Variants in ACY1 observed in about 807,000 individuals in gnomAD.
ACY1 encodes aminoacylase 1.
ACY1 carries 38 observed loss-of-function variants against 53.3 expected under a neutral mutation model. The observed-to-expected ratio is 0.71, with a 90% CI of 0.55 to 0.93. The LOEUF (loss-of-function observed/expected upper bound fraction) is 0.93, where lower values mean the gene tolerates loss of function less well. Among genes scored for constraint, ACY1 ranks in the 40% least tolerant of loss-of-function variants. The pLI, the probability that ACY1 is intolerant of heterozygous loss-of-function variation, is 0.00. For synonymous variants in ACY1, 177 were observed against 202.1 expected (o/e 0.88, Z 1.05); for missense variants, 484 against 540.9 (o/e 0.89, Z 1.04).
In ACY1 at chr3:51,985,860, G is replaced by A. The variant is rs750814412; in HGVS notation, c.273G>A (p.Trp91Ter). The A allele has an allele frequency of 6.8e-6, 11 of 1,613,506 alleles. No individual in the cohort carries two copies. Among genetic ancestry groups the A allele is most frequent in the Non-Finnish European group, 7.6e-6 (9 of 1,179,762 alleles). The change falls in exon 5 of 15, where the codon TGG (tryptophan) becomes TGA (stop). Residue 91 changes from tryptophan to a stop codon, truncating the protein, a stop_gained. Coordinates refer to ENST00000636358, the MANE Select transcript of ACY1 (RefSeq NM_000666.3). LOFTEE classifies it high-confidence loss of function. ...TDVVPVFKEH[W>*]SHDPFEAFKD... ...CCCATCCCTGCCCCCAGGAACATTG[G>A]AGTCACGACCCCTTTGAGGCCTTCA...
At position 51,984,575 on chromosome 3, in the gene ACY1, G is replaced by A. The variant is rs1700991193; in HGVS notation, c.94+417G>A. The stretch of plus-strand genomic sequence containing the variant: ...CCTGCCTGTTATCCCAGCACTTCAG[G>A]AGGTTGAGGCTGGCAGATTGCTTGG... On this transcript the variant is annotated intron_variant, in intron 2 of 14. Transcript: ENST00000636358. 9.2e-6 allele frequency: 3 copies of A among 325,618 alleles called. No homozygotes were observed. In the Admixed American group the frequency reaches 1.3e-4, roughly 14 times the overall value. 20.2% of individuals were successfully genotyped at this position (325,618 alleles called of 1,614,324 possible).
rs1167024246 is a variant in ACY1, at chr3:51,985,265, AGT to A, written c.154_155del (p.Val52ArgfsTer45). The A allele has an allele frequency of 6.2e-7, 1 of 1,610,880 alleles. No homozygotes were observed. The highest frequency in any genetic ancestry group is 1.1e-5 in the South Asian group (1 of 90,498). On this transcript the variant is annotated frameshift_variant, in exon 3 of 15. Coordinates refer to ENST00000636358, the MANE Select transcript of ACY1 (RefSeq NM_000666.3). LOFTEE classifies it high-confidence loss of function. Reference protein sequence around the residue: ...ARQLGLGCQKVEVAPGYVVTV... With the variant: ...ARQLGLGCQKXEVAPGYVVTV... ...GCCAGCTGGGCCTGGGCTGTCAGAAAGTAGAGGTGAGCCTGGGGCCCTAAGCG... is the reference window on the plus strand; with the variant it reads ...GCCAGCTGGGCCTGGGCTGTCAGAAAAGAGGTGAGCCTGGGGCCCTAAGCG...
chr3:51,987,476 G>A (rs373194192), intron 11 of ACY1, 23 bp downstream of exon 11: 18 of 1,614,066 alleles, frequency 1.1e-5, no homozygotes, highest in African/African-American at 2.7e-5. Flanking sequence ...CCTGGGTTTG[G>A]AGGAGGGATC....
At position 51,988,571 on chromosome 3, in the gene ACY1, G is replaced by C. The variant is rs1701155692; in HGVS notation, c.969G>C (p.Trp323Cys). Residue 323 changes from tryptophan to cysteine, a missense_variant, in exon 13 of 15, where the codon TGG (tryptophan) becomes TGC (cysteine). Physicochemically the swap from Trp to Cys is radical, Grantham distance 215 (BLOSUM62 -2). Coordinates refer to ENST00000636358, the MANE Select transcript of ACY1 (RefSeq NM_000666.3). ...CACCTACTGATGACTCAAACCCTTG[G>C]TGGGCAGCTTTTAGCCGGGTCTGCA... ...QVTPTDDSNP[W>C]WAAFSRVCKD... 1.2e-6 allele frequency: 2 copies of C among 1,614,012 alleles called. No homozygotes were observed. Among genetic ancestry groups the C allele is most frequent in the African/African-American group, 1.3e-5 (1 of 74,886 alleles).
At chr3:51,984,560 AT>A in intron 2 of ACY1, 13 of 340,416 alleles carry the variant, frequency 3.8e-5, no homozygotes, top group South Asian at 3.5e-4. Flanking sequence ...CCTGCCTGTT[AT>A]CCCAGCACTT....
In ACY1 at chr3:51,983,934, C is replaced by T. The variant is rs1559777991; in HGVS notation, c.-18-113C>T. The T allele has an allele frequency of 1.4e-5, 11 of 774,786 alleles. 1 individual carries two copies. Among genetic ancestry groups the T allele is most frequent in the South Asian group, 8.4e-5 (6 of 71,658 alleles). 48.0% of individuals were successfully genotyped at this position (774,786 alleles called of 1,614,324 possible). On this transcript the variant is annotated intron_variant, in intron 1 of 14. Coordinates refer to ENST00000636358, the MANE Select transcript of ACY1 (RefSeq NM_000666.3). The stretch of plus-strand genomic sequence containing the variant: ...GCTCCTTAATGGGGGCTCCGAAACA[C>T]GGTATCCTACCCCTGTGGGAAGTCC...
Position 51,986,879 on chromosome 3 carries a change from A to G in ACY1, c.584-109A>G. On this transcript the variant is annotated intron_variant, in intron 8 of 14. Transcript: ENST00000636358. ...GCTACGGGCCCTGAGTGGGGACAGG[A>G]CCCTGCCAGAGGAGCCTGGAATGAG... The G allele has an allele frequency of 2.3e-6, 3 of 1,326,812 alleles. No individual in the cohort carries two copies. In the South Asian group the frequency reaches 3.7e-5, roughly 16 times the overall value. The allele number at this position is 1,326,812 out of a possible 1,614,324, so 82.2% of individuals were successfully genotyped here.
In ACY1 at chr3:51,985,955, C is replaced by T. The variant is rs761551809; in HGVS notation, c.359+9C>T. ...AAGTGCGTCAGCATCCAGTGAGTGTCCTCCATTCCTACTCCTCCACAATGT... is the reference window on the plus strand; with the variant it reads ...AAGTGCGTCAGCATCCAGTGAGTGTTCTCCATTCCTACTCCTCCACAATGT... On this transcript the variant is annotated intron_variant, in intron 5 of 14. Transcript: ENST00000636358. The T allele has an allele frequency of 7.5e-6, 12 of 1,606,388 alleles. No individual in the cohort carries two copies. The highest frequency in any genetic ancestry group is 9.4e-6 in the Non-Finnish European group (11 of 1,175,862).
At chr3:51,986,361 G>C (rs1701055374) in intron 6 of ACY1, 30 bp downstream of exon 6, 1 of 1,592,072 alleles carries the variant, frequency 6.3e-7, no homozygotes. Flanking sequence ...CTTTGGGAAA[G>C]GGGAGGGTGG....
Position 51,986,717 on chromosome 3 carries a change from A to G in ACY1, c.583+56A>G, listed in dbSNP as rs546642804. On this transcript the variant is annotated intron_variant, in intron 8 of 14. Coordinates refer to ENST00000636358, the MANE Select transcript of ACY1 (RefSeq NM_000666.3). ...CTACAGGCGGGAGGCTAGGCCAGAAAGGGCACGGTCCTATGCAGGGTTGCA... is the reference window on the plus strand; with the variant it reads ...CTACAGGCGGGAGGCTAGGCCAGAAGGGGCACGGTCCTATGCAGGGTTGCA... 4 of 1,598,630 alleles carry G rather than the reference A, an allele frequency of 2.5e-6. No homozygotes were observed. In the East Asian group the frequency reaches 8.9e-5, roughly 36 times the overall value.
rs934369244 is a variant in ACY1, at chr3:51,986,975, T to C, written c.584-13T>C. ...CAGGCTGAAGACACTGCCTTCCCCCTACACCTCCCCAGGGGTGCGGGTTAC... is the reference window on the plus strand; with the variant it reads ...CAGGCTGAAGACACTGCCTTCCCCCCACACCTCCCCAGGGGTGCGGGTTAC... On this transcript the variant is annotated splice_polypyrimidine_tract_variant and intron_variant, in intron 8 of 14. Coordinates refer to ENST00000636358, the MANE Select transcript of ACY1 (RefSeq NM_000666.3). 8 of 1,611,578 alleles carry C rather than the reference T, an allele frequency of 5.0e-6. No individual in the cohort carries two copies. Among genetic ancestry groups the C allele is most frequent in the Non-Finnish European group, 6.8e-6 (8 of 1,179,782 alleles).
chr3:51,985,796 A>G lies in ACY1; in HGVS notation c.265-56A>G, dbSNP rs1701033868. ...CTAGGGCAGGGCCACTGTTGACCAGAGTGGATTAATGGCTAAATTTGGGGT... is the reference window on the plus strand; with the variant it reads ...CTAGGGCAGGGCCACTGTTGACCAGGGTGGATTAATGGCTAAATTTGGGGT... On this transcript the variant is annotated intron_variant, in intron 4 of 14. Transcript: ENST00000636358. 2.7e-6 allele frequency: 4 copies of G among 1,465,438 alleles called. No individual in the cohort carries two copies. In the Admixed American group the frequency reaches 7.2e-5, roughly 27 times the overall value. 90.8% of individuals were successfully genotyped at this position (1,465,438 alleles called of 1,614,324 possible).
At chr3:51,984,523 T>G (rs995330530) in intron 2 of ACY1, 49 of 384,468 alleles carry the variant, frequency 1.3e-4, no homozygotes, top group Non-Finnish European at 2.4e-4. Context: ...GGAGTCAAGC[T>G]TGGTGGCTAG....
intron 6 of ACY1, 37 bp from the exon 7 acceptor site, chr3:51,986,378 G>GGCC: frequency 1.4e-6 from 1 of 739,402 alleles, no homozygotes; most frequent in Non-Finnish European, 2.2e-6. Context: ...GTGGGGCGGG[G>GGCC]CAGCCTCCTC....
chr3:51,984,304 A>G (rs1700983067), intron 2 of ACY1, 146 bp downstream of exon 2: 8 of 743,956 alleles, frequency 1.1e-5, no homozygotes, highest in Non-Finnish European at 1.9e-5. Context: ...TTCCCCAAGT[A>G]AATAGACTGA....
chr3:51,987,487 C>G, intron 11 of ACY1, 34 bp downstream of exon 11: 1 of 1,614,124 alleles, frequency 6.2e-7, no homozygotes, highest in Non-Finnish European at 8.5e-7. Flanking sequence ...AGGAGGGATC[C>G]TGGGTCCTCA....
chr3:51,986,067 G>A, intron 5 of ACY1, 121 bp downstream of exon 5: 1 of 1,129,976 alleles, frequency 8.8e-7, no homozygotes, highest in South Asian at 1.3e-5. Context: ...TCTTGGACAG[G>A]AACTACTGCC....
Position 51,985,866 on chromosome 3 carries a change from C to T in ACY1, c.279C>T (p.His93=), listed in dbSNP as rs757204825. 27 of 1,613,486 alleles carry T rather than the reference C, an allele frequency of 1.7e-5. No individual in the cohort carries two copies. The highest frequency in any genetic ancestry group is 7.7e-5 in the South Asian group (7 of 90,876). ...VVPVFKEHWS[H]DPFEAFKDSE... is the part of the protein sequence containing the mutation. ...CCTGCCCCCAGGAACATTGGAGTCA[C>T]GACCCCTTTGAGGCCTTCAAGGATT... The change falls in exon 5 of 15, where the codon CAC becomes CAT. Residue 93 remains histidine (H), a synonymous_variant. Transcript: ENST00000636358.
chr3:51,988,780 A>T lies in ACY1; in HGVS notation c.1016A>T (p.Glu339Val), dbSNP rs1285181669. ...TTCTCCTACAGGAACCTCACTCTGGAGCCTGAGATCATGCCTGCTGCCACT... is the reference window on the plus strand; with the variant it reads ...TTCTCCTACAGGAACCTCACTCTGGTGCCTGAGATCATGCCTGCTGCCACT... ...RVCKDMNLTL[E>V]PEIMPAATDN... The change falls in exon 14 of 15, where the codon GAG (glutamate) becomes GTG (valine). Residue 339 changes from glutamate to valine, a missense_variant. Physicochemically the swap from Glu to Val is moderately radical, Grantham distance 121. Transcript: ENST00000636358. 1 of 1,613,932 alleles carries T rather than the reference A, an allele frequency of 6.2e-7. No homozygotes were observed. Among genetic ancestry groups the T allele is most frequent in the South Asian group, 1.1e-5 (1 of 91,070 alleles).
Sources: allele counts gnomAD v4.1 joint callset, GRCh38; gene constraint gnomAD v4.1.1; transcripts MANE v1.5; gene names NCBI Gene and HGNC (gene_info 2026-07-23, HGNC 2026-07-21).